The following CRACD variants were observed in gnomAD, a reference collection of about 807,000 sequenced individuals.
CRACD encodes the protein capping protein-inhibiting regulator of actin dynamics.
Under a neutral mutation model 106.8 loss-of-function variants are expected in CRACD, and 56 were observed. The observed-to-expected ratio is 0.52, with a 90% CI of 0.42 to 0.66. CRACD has a LOEUF of 0.66. Ranked by LOEUF, CRACD falls within the 30% of genes least tolerant of loss-of-function variation. The pLI is 0.00. For synonymous variants in CRACD, 754 were observed against 670.8 expected, an observed-to-expected ratio of 1.12 and a Z score of -1.92; for missense variants, 1,730 against 1,623.2, an observed-to-expected ratio of 1.07 and a Z score of -1.13.
chr4:56,256,887 G>C (rs575572633), intron 2 of CRACD, among the ~76,000 whole-genome samples: 13 of 151,994 alleles, frequency 8.6e-5, no homozygotes, highest in Admixed American at 3.9e-4. Context: ...GGAAGGGAGT[G>C]GGGGTCAGTC....
chr4:56,288,964 G>A (rs941402644), intron 3 of CRACD, among the ~76,000 whole-genome samples: 23 of 152,306 alleles, frequency 1.5e-4, no homozygotes, highest in African/African-American at 5.3e-4. Flanking sequence ...TCTGACACAT[G>A]CTACAATGTG....
At chr4:56,050,526 T>C (rs1393202240) in intron 1 of CRACD, among the ~76,000 whole-genome samples, 1 of 152,152 alleles carries the variant, frequency 6.6e-6, no homozygotes, top group Admixed American at 6.5e-5. Context: ...TGTTTGTGAC[T>C]CAGGAATCTG....
chr4:56,239,454 G>A (rs1577785959), intron 2 of CRACD, among the ~76,000 whole-genome samples: 3 of 151,994 alleles, frequency 2.0e-5, no homozygotes, highest in South Asian at 2.1e-4. Flanking sequence ...TGCCCCATTC[G>A]CAGGCATGGT....
intron 4 of CRACD, among the ~76,000 whole-genome samples, chr4:56,300,575 G>A (rs1455076861): frequency 2.6e-5 from 4 of 152,084 alleles, no homozygotes; most frequent in Non-Finnish European, 5.9e-5. Context: ...TTTGATTCTT[G>A]CAATATTATT....
chr4:56,098,560 T>C (rs1733670967), intron 1 of CRACD, among the ~76,000 whole-genome samples: 1 of 152,202 alleles, frequency 6.6e-6, no homozygotes, highest in African/African-American at 2.4e-5. Context: ...TTTAAAGCAT[T>C]ATTCATTTTT....
chr4:56,175,762 C>T (rs868428413), intron 1 of CRACD, among the ~76,000 whole-genome samples: 9 of 152,136 alleles, frequency 5.9e-5, no homozygotes, highest in African/African-American at 1.9e-4. Flanking sequence ...TTGTTTTCCT[C>T]GCTATGCAGA....
At chr4:56,157,918 A>C (rs917795458) in intron 1 of CRACD, among the ~76,000 whole-genome samples, 2 of 152,142 alleles carry the variant, frequency 1.3e-5, no homozygotes, top group African/African-American at 4.8e-5. Context: ...GATGGCATAC[A>C]TGTATGTGTC....
intron 2 of CRACD, among the ~76,000 whole-genome samples, chr4:56,217,700 A>G (rs762280519): frequency 2.6e-5 from 4 of 151,998 alleles, no homozygotes; most frequent in Non-Finnish European, 5.9e-5. Context: ...TAATGCTGGT[A>G]AGCTGTGCCT....
intron 1 of CRACD, among the ~76,000 whole-genome samples, chr4:56,133,847 G>C (rs1422864450): frequency 6.6e-6 from 1 of 152,106 alleles, no homozygotes; most frequent in African/African-American, 2.4e-5. Flanking sequence ...AAAATACTTT[G>C]GGGCAAAGAC....
intron 2 of CRACD, among the ~76,000 whole-genome samples, chr4:56,185,177 T>G (rs1737032554): frequency 6.6e-6 from 1 of 152,164 alleles, no homozygotes; most frequent in African/African-American, 2.4e-5. Flanking sequence ...CAGGATGGTC[T>G]CGATCTCCTG....
intron 2 of CRACD, among the ~76,000 whole-genome samples, chr4:56,212,131 G>A (rs1738441278): frequency 6.6e-6 from 1 of 152,202 alleles, no homozygotes; most frequent in South Asian, 2.1e-4. Context: ...CCAGAACCAA[G>A]ATGGCGATGA....
chr4:56,058,259 G>C (rs1401435510), intron 1 of CRACD, among the ~76,000 whole-genome samples: 6 of 152,124 alleles, frequency 3.9e-5, no homozygotes, highest in African/African-American at 1.2e-4. Flanking sequence ...TAGTAGAGAC[G>C]ATGTTTCACC....
At chr4:56,228,607 CAAA>C (rs35810086) in intron 2 of CRACD, among the ~76,000 whole-genome samples, 14,619 of 101,356 alleles carry the variant, frequency 0.14, 971 homozygotes, top group South Asian at 0.25. Context: ...CCATCTCTAC[CAAA>C]AAAAAAAAAA....
intron 1 of CRACD, among the ~76,000 whole-genome samples, chr4:56,141,710 T>TTTTTTA: frequency 8.9e-6 from 1 of 112,954 alleles, no homozygotes; most frequent in Non-Finnish European, 1.7e-5. Context: ...TTTTTTTTTT[T>TTTTTTA]AGAAACAGAG....
intron 2 of CRACD, among the ~76,000 whole-genome samples, chr4:56,182,874 T>C (rs958033084): frequency 6.9e-6 from 1 of 145,876 alleles, no homozygotes; most frequent in African/African-American, 2.7e-5. Flanking sequence ...TGTGTGTGTG[T>C]GTGTGTGTGT....
At chr4:56,326,016 ATTC>A (rs1229202286) in intron 10 of CRACD, among the ~76,000 whole-genome samples, 1 of 152,182 alleles carries the variant, frequency 6.6e-6, no homozygotes, top group East Asian at 1.9e-4. Flanking sequence ...GGTTCAAGCA[ATTC>A]TTCTGCCTCA....
chr4:56,196,448 T>A (rs1331611886), intron 2 of CRACD: 1 of 153,284 alleles, frequency 6.5e-6, no homozygotes, highest in Non-Finnish European at 1.5e-5. Flanking sequence ...AAGTGGTGAC[T>A]CTGAGTTGCA....
chr4:56,120,569 T>C (rs1734451566), intron 1 of CRACD, among the ~76,000 whole-genome samples: 1 of 152,208 alleles, frequency 6.6e-6, no homozygotes, highest in South Asian at 2.1e-4. Flanking sequence ...TTGTTAAATC[T>C]CAGAATATAC....
intron 1 of CRACD, among the ~76,000 whole-genome samples, chr4:56,100,308 C>T (rs751580943): frequency 5.3e-5 from 8 of 152,134 alleles, no homozygotes; most frequent in African/African-American, 9.7e-5. Flanking sequence ...GAATTAATCT[C>T]GCTTGAATAG....
Sources: gnomAD v4.1 joint callset for allele counts (sites outside exome capture counted in the v4.1 genomes callset) on GRCh38, gnomAD v4.1.1 for gene constraint, MANE v1.5 for transcripts, NCBI Gene and HGNC (gene_info 2026-07-23, HGNC 2026-07-21) for gene names.